The following BDH2 variants were observed in gnomAD, a reference collection of about 807,000 sequenced individuals.
BDH2 encodes dehydrogenase/reductase SDR family member 6.
BDH2 carries 24 observed loss-of-function variants against 33.2 expected under a neutral mutation model. The ratio of observed to expected loss-of-function variants is 0.72; its 90% CI spans 0.52 to 1.02. BDH2 has a LOEUF of 1.02. Ranked by LOEUF, BDH2 falls within the 50% of genes least tolerant of loss-of-function variation. The pLI is 0.00. For synonymous variants in BDH2, 81 were observed against 101.6 expected (o/e 0.80, Z 1.22); for missense variants, 249 against 301.6 (o/e 0.83, Z 1.29).
chr4:103,089,444 C>A (rs1361429206), intron 5 of BDH2, among the ~76,000 whole-genome samples: 1 of 144,052 alleles, frequency 6.9e-6, no homozygotes, highest in Non-Finnish European at 1.5e-5. Context: ...CATATTCCTG[C>A]CATTAACATC....
chr4:103,094,655 A>G (rs1748278625), intron 3 of BDH2, among the ~76,000 whole-genome samples: 1 of 152,118 alleles, frequency 6.6e-6, no homozygotes, highest in Admixed American at 6.5e-5. Flanking sequence ...AACTTCTAAT[A>G]ATTTAAATAA....
intron 7 of BDH2, among the ~76,000 whole-genome samples, chr4:103,083,477 GC>G (rs2110696604): frequency 6.6e-6 from 1 of 152,198 alleles, no homozygotes; most frequent in South Asian, 2.1e-4. Context: ...TGTTTCAAAT[GC>G]CTACTTTTAA....
At chr4:103,080,985 T>G (rs1156767440) in intron 9 of BDH2, among the ~76,000 whole-genome samples, 1 of 152,242 alleles carries the variant, frequency 6.6e-6, no homozygotes, top group Admixed American at 6.5e-5. Context: ...ATTTGTCACA[T>G]TCACCAACTA....
In BDH2 at chr4:103,097,319, G is replaced by A. The variant is rs142978184; in HGVS notation, c.-20-1045C>T. Among the ~76,000 whole-genome samples, 594 of 152,298 alleles carry A rather than the reference G, an allele frequency of 3.9e-3. 3 individuals carry two copies. Among genetic ancestry groups the A allele is most frequent in the African/African-American group, 0.013 (560 of 41,556 alleles). On this transcript the variant is annotated intron_variant, in intron 1 of 9. Coordinates refer to ENST00000296424, the MANE Select transcript of BDH2 (RefSeq NM_020139.4). ...AGTAACACATTAACAGGCATAATCA[G>A]TAATTTCTAAATGATTGAGAAACAC...
rs1032549965 is a variant in BDH2 at position 103,086,280 on chromosome 4, T to G, written c.418+200A>C. ...AAGGGAGGGCAAAAATACCCCACATTTTAATTTAATTTTACCACTGGCTCA... is the reference window on the plus strand; with the variant it reads ...AAGGGAGGGCAAAAATACCCCACATGTTAATTTAATTTTACCACTGGCTCA... On this transcript the variant is annotated intron_variant, in intron 6 of 9. Transcript: ENST00000296424. 1.7e-5 allele frequency: 23 copies of G among 1,320,250 alleles called. No homozygotes were observed. In the African/African-American group the frequency reaches 3.3e-4, roughly 19 times the overall value. The allele number at this position is 1,320,250 out of a possible 1,614,324, so 81.8% of individuals were successfully genotyped here. A position where few individuals can be genotyped will look rare whatever the true frequency, so the allele number is the denominator to read the frequency against.
At chr4:103,081,206 G>A (rs1292786855) in intron 9 of BDH2, among the ~76,000 whole-genome samples, 2 of 152,204 alleles carry the variant, frequency 1.3e-5, no homozygotes, top group Admixed American at 6.5e-5. Flanking sequence ...GTAAACAATA[G>A]TTATTAAGGA....
chr4:103,096,747 G>T (rs1377377988), intron 1 of BDH2, among the ~76,000 whole-genome samples: 1 of 151,938 alleles, frequency 6.6e-6, no homozygotes, highest in African/African-American at 2.4e-5. Context: ...CACCATGTTG[G>T]CCAGACTGGT....
At position 103,090,792 on chromosome 4, in the gene BDH2, C is replaced by T. The variant is rs1016476380; in HGVS notation, c.357+385G>A. Among the ~76,000 whole-genome samples the T allele has an allele frequency of 8.5e-5, 13 of 152,142 alleles. No homozygotes were observed. In the East Asian group the frequency reaches 9.6e-4, roughly 11 times the overall value. The stretch of plus-strand genomic sequence containing the variant: ...CCTTTGCGGTGGAGTCCAGAGGGGC[C>T]GCATTGATATCCTAGCTTCTTTCTC... On this transcript the variant is annotated intron_variant, in intron 5 of 9. Coordinates refer to ENST00000296424, the MANE Select transcript of BDH2 (RefSeq NM_020139.4).
Position 103,091,299 on chromosome 4 carries a change from T to C in BDH2, c.249-14A>G. ...TGATGGACAAAACTAGAAGAGTGATTAAACAATGGAAGAATAACTGCCATT... is the reference window on the plus strand; with the variant it reads ...TGATGGACAAAACTAGAAGAGTGATCAAACAATGGAAGAATAACTGCCATT... On this transcript the variant is annotated splice_polypyrimidine_tract_variant and intron_variant, in intron 4 of 9. Transcript: ENST00000296424. 1.3e-6 allele frequency: 2 copies of C among 1,552,514 alleles called. No individual in the cohort carries two copies. The highest frequency in any genetic ancestry group is 1.8e-6 in the Non-Finnish European group (2 of 1,126,986).
chr4:103,085,889 T>G, intron 6 of BDH2: 1 of 1,196,644 alleles, frequency 8.4e-7, no homozygotes, highest in Non-Finnish European at 1.1e-6. Flanking sequence ...CAGCAGTAAC[T>G]ATTTCATTTT....
intron 5 of BDH2, among the ~76,000 whole-genome samples, chr4:103,089,665 G>A (rs928225530): frequency 3.9e-5 from 6 of 152,132 alleles, no homozygotes; most frequent in African/African-American, 9.7e-5. Flanking sequence ...TTTTGCAAAT[G>A]AGTCTCATGC....
At chr4:103,093,229 G>A (rs1748199199) in intron 3 of BDH2, among the ~76,000 whole-genome samples, 1 of 152,136 alleles carries the variant, frequency 6.6e-6, no homozygotes, top group Non-Finnish European at 1.5e-5. Flanking sequence ...TGAGTGAGGG[G>A]TGGAGAAGAG....
chr4:103,098,911 A>ACTT (rs1343336473), intron 1 of BDH2: 1 of 152,152 alleles, frequency 6.6e-6, no homozygotes, highest in Non-Finnish European at 1.5e-5. Context: ...ATAATCACTG[A>ACTT]CTTCCTCTGA....
In BDH2 at chr4:103,079,564, C is replaced by T. The variant is rs1220262804; in HGVS notation, c.*138G>A. The T allele has an allele frequency of 4.7e-5, 35 of 746,124 alleles. No individual in the cohort carries two copies. The highest frequency in any genetic ancestry group is 7.4e-5 in the Admixed American group (3 of 40,356). 46.2% of individuals were successfully genotyped at this position (746,124 alleles called of 1,614,324 possible). ...ACTTAAAGAATCAGACTCTTGCAAACAGTGACATCATTAAAAAGAGCTTAT... is the reference window on the plus strand; with the variant it reads ...ACTTAAAGAATCAGACTCTTGCAAATAGTGACATCATTAAAAAGAGCTTAT... On this transcript the variant is annotated 3_prime_UTR_variant, in exon 10 of 10. Transcript: ENST00000296424.
In BDH2 at chr4:103,097,360, T is replaced by C. The variant is rs142584008; in HGVS notation, c.-20-1086A>G. On this transcript the variant is annotated intron_variant, in intron 1 of 9. Coordinates refer to ENST00000296424, the MANE Select transcript of BDH2 (RefSeq NM_020139.4). ...TGAGAAACACTGACACCGGGGCTCA[T>C]GTGCATGAGATATTTCACCAGTGCT... 3.3e-5 allele frequency among the ~76,000 whole-genome samples: 5 copies of C among 152,332 alleles called. No individual in the cohort carries two copies. The East Asian group carries it at 5.8e-4, about 18-fold the overall frequency.
At chr4:103,085,812 C>T in intron 6 of BDH2, 2 of 1,294,618 alleles carry the variant, frequency 1.5e-6, no homozygotes, top group South Asian at 2.5e-5. Context: ...GGCCTAGGCA[C>T]TTCTTTACAT....
chr4:103,090,838 G>T (rs1017311468), intron 5 of BDH2, among the ~76,000 whole-genome samples: 5 of 151,966 alleles, frequency 3.3e-5, no homozygotes, highest in African/African-American at 7.3e-5. Flanking sequence ...TTAAAACCAC[G>T]CCACATATTC....
intron 1 of BDH2, 132 bp from the exon 2 acceptor site, chr4:103,096,406 C>A (rs1158519307): frequency 3.7e-6 from 2 of 543,852 alleles, no homozygotes; most frequent in Non-Finnish European, 6.6e-6. Context: ...TTGAAGACAG[C>A]ACCTCTGTGC....
chr4:103,087,527 C>G (rs1032065996), intron 5 of BDH2, among the ~76,000 whole-genome samples: 1 of 152,120 alleles, frequency 6.6e-6, no homozygotes, highest in African/African-American at 2.4e-5. Flanking sequence ...GGATGGTGGG[C>G]CTCACCAATT....
Sources: allele counts gnomAD v4.1 joint callset (sites outside exome capture counted in the v4.1 genomes callset), GRCh38; gene constraint gnomAD v4.1.1; transcripts MANE v1.5; gene names NCBI Gene and HGNC (gene_info 2026-07-23, HGNC 2026-07-21).